The following MYH13 variants were observed in gnomAD, a reference collection of about 807,000 sequenced individuals.
MYH13 encodes myosin-13.
In MYH13, 177 loss-of-function variants were observed where a neutral mutation model predicts 232.1. The ratio of observed to expected loss-of-function variants is 0.76; its 90% CI spans 0.67 to 0.86. The LOEUF (loss-of-function observed/expected upper bound fraction) is 0.86. Ranked by LOEUF, MYH13 falls within the 40% of genes least tolerant of loss-of-function variation. The probability of loss-of-function intolerance (pLI) is 0.00; values close to 1 mark genes in which losing one functional copy is unlikely to be tolerated. For synonymous variants in MYH13, 884 were observed against 923.5 expected, an observed-to-expected ratio of 0.96 and a Z score of 0.78; for missense variants, 2,246 against 2,405.9, an observed-to-expected ratio of 0.93 and a Z score of 1.39.
chr17:10,334,126 A>C (rs957945255), intron 18 of MYH13, among the ~76,000 whole-genome samples: 1 of 152,100 alleles, frequency 6.6e-6, no homozygotes, highest in African/African-American at 2.4e-5. Context: ...ACTAGGATGG[A>C]GAAAATTCTG....
chr17:10,311,541 C>T (rs1190498809), intron 32 of MYH13, among the ~76,000 whole-genome samples: 2 of 152,164 alleles, frequency 1.3e-5, no homozygotes, highest in Non-Finnish European at 1.5e-5. Context: ...CCAGAAGGGG[C>T]TTTGGAAAGT....
In MYH13 at chr17:10,318,835, C is replaced by T; in HGVS notation, c.3693G>A (p.Glu1231=). 6.2e-7 allele frequency: 1 copy of T among 1,614,128 alleles called. No individual in the cohort carries two copies. The highest frequency in any genetic ancestry group is 8.5e-7 in the Non-Finnish European group (1 of 1,180,030). The part of the protein sequence containing the change: ...LEKEKSELKM[E]IDDMASNIEA... Reference sequence around the variant, plus strand: ...CGATGTTGCTGGCCATGTCGTCAATCTCCATCTTCAGCTCGCTCTTCTCCT... The same window carrying T: ...CGATGTTGCTGGCCATGTCGTCAATTTCCATCTTCAGCTCGCTCTTCTCCT... The change falls in exon 27 of 41, where the codon GAG becomes GAA. Residue 1231 remains glutamate (E), a synonymous_variant. Coordinates refer to ENST00000252172, the MANE Select transcript of MYH13 (RefSeq NM_003802.3).
chr17:10,359,258 A>G lies in MYH13; in HGVS notation c.645+702T>C, dbSNP rs185345120. Among the ~76,000 whole-genome samples, 450 of 152,320 alleles carry G rather than the reference A, an allele frequency of 3.0e-3. 7 individuals are homozygous for G. The highest frequency in any genetic ancestry group is 0.011 in the African/African-American group (437 of 41,564). On this transcript the variant is annotated intron_variant, in intron 7 of 40. Transcript: ENST00000252172. ...CCTATTCCTGACCCCTGGGAAGGAA[A>G]GAAGGGCTGGAGGTTGAGTCAATCA...
chr17:10,309,946 A>C, intron 33 of MYH13, 116 bp from the exon 34 acceptor site: 1 of 691,970 alleles, frequency 1.4e-6, no homozygotes, highest in Non-Finnish European at 2.1e-6. Flanking sequence ...TTAAATTTAA[A>C]TTTTTTTTTT....
At chr17:10,319,581 G>A (rs1383571762) in intron 26 of MYH13, among the ~76,000 whole-genome samples, 3 of 151,984 alleles carry the variant, frequency 2.0e-5, no homozygotes, top group South Asian at 2.1e-4. Context: ...AGTGTCCATG[G>A]ATAAGAGAAT....
Position 10,323,832 on chromosome 17 carries a change from G to GAAGAAGAAGA in MYH13, c.2934+189_2934+190insTCTTCTTCTT, listed in dbSNP as rs1555549904. 2.1e-5 allele frequency among the ~76,000 whole-genome samples: 3 copies of GAAGAAGAAGA among 141,388 alleles called. No homozygotes were observed. In the South Asian group the frequency reaches 7.1e-4, roughly 34 times the overall value. 92.8% of individuals were successfully genotyped at this position (141,388 alleles called of 152,430 possible). A position where few individuals can be genotyped will look rare whatever the true frequency, so the allele number is the denominator to read the frequency against. ...AGAAGAAGAAGAAGAAGAAGAAGAA[G>GAAGAAGAAGA]AGTCTATGGGTAGAAAAGACACCAG... On this transcript the variant is annotated intron_variant, in intron 23 of 40. Coordinates refer to ENST00000252172, the MANE Select transcript of MYH13 (RefSeq NM_003802.3).
At chr17:10,308,764 C>T (rs1906383315) in intron 35 of MYH13, among the ~76,000 whole-genome samples, 1 of 151,968 alleles carries the variant, frequency 6.6e-6, no homozygotes, top group South Asian at 2.1e-4. Context: ...CTCTGTTGCC[C>T]AGGCTGGAGT....
intron 40 of MYH13, 91 bp from the exon 41 acceptor site, chr17:10,301,056 G>A: frequency 8.4e-7 from 1 of 1,187,968 alleles, no homozygotes; most frequent in Non-Finnish European, 1.2e-6. Context: ...TGGAAAATCT[G>A]GAACTTCAGA....
chr17:10,313,371 T>C lies in MYH13; in HGVS notation c.3985-17A>G, dbSNP rs1906589191. The C allele has an allele frequency of 6.2e-7, 1 of 1,614,106 alleles. No homozygotes were observed. Among genetic ancestry groups the C allele is most frequent in the African/African-American group, 1.3e-5 (1 of 75,038 alleles). On this transcript the variant is annotated splice_polypyrimidine_tract_variant and intron_variant, in intron 29 of 40. Coordinates refer to ENST00000252172, the MANE Select transcript of MYH13 (RefSeq NM_003802.3). ...GTTCTTGGCCTGGGAATGACAGCGG[T>C]GACAAATTGCAAAAACATTTGACCC...
intron 30 of MYH13, among the ~76,000 whole-genome samples, 186 bp downstream of exon 30, chr17:10,312,972 C>T (rs1906564864): frequency 6.6e-6 from 1 of 151,736 alleles, no homozygotes; most frequent in Non-Finnish European, 1.5e-5. Flanking sequence ...CTCCAGGGAG[C>T]TAGGTGGAAT....
intron 8 of MYH13, 83 bp downstream of exon 8, chr17:10,357,652 T>C: frequency 7.7e-7 from 1 of 1,293,898 alleles, no homozygotes. Context: ...TATATTCCAG[T>C]TTATGGGGCA....
At chr17:10,301,945 GA>G (rs1906110104) in intron 39 of MYH13, among the ~76,000 whole-genome samples, 1 of 152,120 alleles carries the variant, frequency 6.6e-6, no homozygotes, top group South Asian at 2.1e-4. Flanking sequence ...ATGTTCCCTT[GA>G]ATCTCTTCTA....
chr17:10,310,216 G>A (rs553909777), intron 33 of MYH13, among the ~76,000 whole-genome samples: 73 of 151,020 alleles, frequency 4.8e-4, no homozygotes, highest in Admixed American at 2.3e-3. Context: ...TCAGCCTCCC[G>A]AGTAGTTGGG....
chr17:10,304,158 C>T lies in MYH13; in HGVS notation c.5467-660G>A, dbSNP rs1906198280. On this transcript the variant is annotated intron_variant, in intron 37 of 40. Transcript: ENST00000252172. The surrounding 1 kb of genome is among the most constrained non-coding windows in gnomAD (Gnocchi z 5.3). ...GGGAGGGATAGCATTAGGAGTAATA[C>T]CTAATGTAAATGATGGGTTGATGGG... 6.6e-6 allele frequency among the ~76,000 whole-genome samples: 1 copy of T among 152,124 alleles called. No individual in the cohort carries two copies. The highest frequency in any genetic ancestry group is 1.5e-5 in the Non-Finnish European group (1 of 68,032).
At chr17:10,316,390 G>T (rs1415201227) in intron 27 of MYH13, among the ~76,000 whole-genome samples, 1 of 152,174 alleles carries the variant, frequency 6.6e-6, no homozygotes, top group African/African-American at 2.4e-5. Flanking sequence ...GAACTCGGGA[G>T]GCGGAGGTTG....
chr17:10,355,828 C>CTTTTTTTTTTTTTT lies in MYH13; in HGVS notation c.739-695_739-682dup, dbSNP rs61338527. Among the ~76,000 whole-genome samples the CTTTTTTTTTTTTTT allele has an allele frequency of 3.3e-4, 22 of 66,814 alleles. 3 individuals are homozygous for CTTTTTTTTTTTTTT. Among genetic ancestry groups the CTTTTTTTTTTTTTT allele is most frequent in the Non-Finnish European group, 4.7e-4 (18 of 38,270 alleles). 43.8% of individuals were successfully genotyped at this position (66,814 alleles called of 152,430 possible). On this transcript the variant is annotated intron_variant, in intron 8 of 40. Coordinates refer to ENST00000252172, the MANE Select transcript of MYH13 (RefSeq NM_003802.3). ...TAACTGGTTGGATTGTTCTGTCTGA[C>CTTTTTTTTTTTTTT]TTTTTTTTTTTTTTTTTTTTTTTTT...
chr17:10,352,090 G>T (rs986294807), intron 11 of MYH13, among the ~76,000 whole-genome samples: 1 of 152,166 alleles, frequency 6.6e-6, no homozygotes, highest in Admixed American at 6.5e-5. Flanking sequence ...GGGAAGGGTC[G>T]TTGTAGGTTA....
intron 20 of MYH13, among the ~76,000 whole-genome samples, chr17:10,331,765 C>T (rs577852800): frequency 6.6e-6 from 1 of 152,088 alleles, no homozygotes; most frequent in Non-Finnish European, 1.5e-5. Flanking sequence ...TGTTTATAGT[C>T]ATTCTCCTCA....
chr17:10,347,349 G>C (rs558028459), intron 12 of MYH13, among the ~76,000 whole-genome samples: 1 of 152,134 alleles, frequency 6.6e-6, no homozygotes, highest in East Asian at 1.9e-4. Flanking sequence ...TGGGTGACAA[G>C]AGCAAGACTC....
Sources: allele counts gnomAD v4.1 joint callset (sites outside exome capture counted in the v4.1 genomes callset), GRCh38; gene constraint gnomAD v4.1.1; non-coding constraint Gnocchi (gnomAD v3.1); transcripts MANE v1.5; gene names NCBI Gene and HGNC (gene_info 2026-07-23, HGNC 2026-07-21).